Variants in THSD7B observed in about 807,000 individuals in gnomAD.
The protein encoded by THSD7B is thrombospondin type 1 domain containing 7B.
THSD7B carries 138 observed loss-of-function variants against 213.6 expected under a neutral mutation model. The observed-to-expected ratio is 0.65, with a 90% CI of 0.56 to 0.74. The LOEUF is 0.74. Ranked by LOEUF, THSD7B falls within the 30% of genes least tolerant of loss-of-function variation. The probability of loss-of-function intolerance (pLI) is 0.00; values close to 1 mark genes in which losing one functional copy is unlikely to be tolerated. For missense variants in THSD7B, 1,931 were observed against 1,991.5 expected (o/e 0.97, Z 0.58); for synonymous variants, 742 against 687.0 (o/e 1.08, Z -1.25).
intron 12 of THSD7B, among the ~76,000 whole-genome samples, chr2:137,299,073 G>T (rs1023504132): frequency 6.6e-6 from 1 of 152,128 alleles, no homozygotes; most frequent in African/African-American, 2.4e-5. Flanking sequence ...AAGGGAGGCT[G>T]TACCCTGCAA....
chr2:136,791,468 T>A (rs1011965843), intron 1 of THSD7B, among the ~76,000 whole-genome samples: 2 of 151,912 alleles, frequency 1.3e-5, no homozygotes, highest in African/African-American at 4.8e-5. Flanking sequence ...ACAATAAATT[T>A]TAAGCTATTT....
At chr2:137,270,887 C>T (rs890182791) in intron 10 of THSD7B, among the ~76,000 whole-genome samples, 7 of 152,180 alleles carry the variant, frequency 4.6e-5, no homozygotes, top group African/African-American at 1.7e-4. Context: ...GAAGTAATGA[C>T]ATAAGCATAG....
At chr2:137,231,016 C>G (rs778864191) in intron 7 of THSD7B, 28 bp from the exon 8 acceptor site, 32 of 1,601,718 alleles carry the variant, frequency 2.0e-5, no homozygotes, top group Non-Finnish European at 2.6e-5. Flanking sequence ...GCATTAATCA[C>G]CAACTGTCTT....
At chr2:137,129,085 G>C (rs1688678393) in intron 5 of THSD7B, among the ~76,000 whole-genome samples, 1 of 151,780 alleles carries the variant, frequency 6.6e-6, no homozygotes, top group African/African-American at 2.4e-5. Context: ...ACCTCCTATT[G>C]TGATAATTCT....
intron 17 of THSD7B, among the ~76,000 whole-genome samples, chr2:137,598,436 C>T (rs1234456227): frequency 6.6e-6 from 1 of 152,134 alleles, no homozygotes; most frequent in Non-Finnish European, 1.5e-5. Flanking sequence ...ACAGATTCTG[C>T]CATGTGTTCC....
chr2:136,791,826 A>G (rs207482223), intron 1 of THSD7B, among the ~76,000 whole-genome samples: 1 of 152,028 alleles, frequency 6.6e-6, no homozygotes, highest in African/African-American at 2.4e-5. Flanking sequence ...TTTGGCTGTT[A>G]TGAATAATGC....
chr2:136,932,078 A>G (rs1299679225), intron 2 of THSD7B, among the ~76,000 whole-genome samples: 1 of 151,540 alleles, frequency 6.6e-6, no homozygotes, highest in South Asian at 2.1e-4. Flanking sequence ...ATATTATTAT[A>G]TCTTTCTTTA....
intron 2 of THSD7B, among the ~76,000 whole-genome samples, chr2:136,941,641 G>A (rs904537024): frequency 5.9e-5 from 9 of 152,196 alleles, no homozygotes; most frequent in African/African-American, 2.2e-4. Flanking sequence ...ACTGTTGGCT[G>A]CATAAATGTT....
chr2:136,871,840 A>G (rs1466868600), intron 1 of THSD7B, among the ~76,000 whole-genome samples: 1 of 152,194 alleles, frequency 6.6e-6, no homozygotes, highest in Non-Finnish European at 1.5e-5. Flanking sequence ...AAATCCACTT[A>G]CAGAACTTCC....
intron 7 of THSD7B, among the ~76,000 whole-genome samples, chr2:137,179,551 T>G (rs538188099): frequency 5.7e-4 from 87 of 151,832 alleles, no homozygotes; most frequent in African/African-American, 2.0e-3. Context: ...TGTTCAAATG[T>G]GTTCAGGAAA....
At chr2:137,255,491 C>T (rs368494971) in intron 10 of THSD7B, among the ~76,000 whole-genome samples, 59 of 152,198 alleles carry the variant, frequency 3.9e-4, no homozygotes, top group African/African-American at 1.3e-3. Flanking sequence ...GTGGATCTCC[C>T]TTCACATGGA....
intron 12 of THSD7B, among the ~76,000 whole-genome samples, chr2:137,283,563 G>A (rs1008748495): frequency 2.6e-5 from 4 of 152,118 alleles, no homozygotes; most frequent in African/African-American, 9.7e-5. Flanking sequence ...ATTATTTTGA[G>A]ATACTTCCCA....
intron 15 of THSD7B, among the ~76,000 whole-genome samples, chr2:137,540,626 C>A (rs549030787): frequency 1.4e-4 from 22 of 151,820 alleles, no homozygotes; most frequent in African/African-American, 4.8e-4. Flanking sequence ...ACCCCACTCA[C>A]ACAGCTATCT....
At chr2:137,167,681 A>G (rs1680163907) in intron 6 of THSD7B, among the ~76,000 whole-genome samples, 1 of 152,178 alleles carries the variant, frequency 6.6e-6, no homozygotes, top group African/African-American at 2.4e-5. Context: ...CTCCTGTAGA[A>G]TTATACACTA....
chr2:137,334,920 G>A (rs937355936), intron 12 of THSD7B, among the ~76,000 whole-genome samples: 28 of 152,194 alleles, frequency 1.8e-4, no homozygotes, highest in African/African-American at 6.5e-4. Context: ...AGATCTGATG[G>A]TTTTATAAGC....
chr2:137,287,851 C>A (rs566997845), intron 12 of THSD7B, among the ~76,000 whole-genome samples: 5 of 152,154 alleles, frequency 3.3e-5, no homozygotes, highest in African/African-American at 4.8e-5. Context: ...TCTCTTCTAG[C>A]TACACGGTTC....
At chr2:137,544,904 A>G (rs1380045588) in intron 15 of THSD7B, among the ~76,000 whole-genome samples, 1 of 151,822 alleles carries the variant, frequency 6.6e-6, no homozygotes, top group African/African-American at 2.4e-5. Flanking sequence ...ATTATGAGAA[A>G]TAGCAGTGGT....
chr2:137,418,624 T>C (rs1057369645), intron 14 of THSD7B, among the ~76,000 whole-genome samples: 2 of 152,220 alleles, frequency 1.3e-5, no homozygotes, highest in Admixed American at 1.3e-4. Context: ...TACTGATCTA[T>C]TGAAAACCAG....
At chr2:137,635,499 G>C (rs1291325392) in intron 20 of THSD7B, among the ~76,000 whole-genome samples, 1 of 152,140 alleles carries the variant, frequency 6.6e-6, no homozygotes, top group Non-Finnish European at 1.5e-5. Flanking sequence ...GGATTTGATA[G>C]GTTGGGAACT....
Sources: gnomAD v4.1 joint callset for allele counts (sites outside exome capture counted in the v4.1 genomes callset) on GRCh38, gnomAD v4.1.1 for gene constraint, MANE v1.5 for transcripts, NCBI Gene and HGNC (gene_info 2026-07-23, HGNC 2026-07-21) for gene names.